UTRN: variants seen among roughly 807,000 people sequenced by gnomAD.
The protein encoded by UTRN is utrophin.
UTRN carries 283 observed loss-of-function variants against 463.9 expected under a neutral mutation model. That is an observed-to-expected ratio of 0.61 (90% CI 0.55 to 0.67). The LOEUF is 0.67. Among genes scored for constraint, UTRN ranks in the 30% least tolerant of loss-of-function variants. UTRN has a pLI of 0.00. For missense variants in UTRN, 3,922 were observed against 4,084.3 expected (o/e 0.96, Z 1.08); for synonymous variants, 1,442 against 1,431.5 (o/e 1.01, Z -0.17).
At chr6:144,605,836 T>A (rs1015891434) in intron 51 of UTRN, among the ~76,000 whole-genome samples, 3 of 152,154 alleles carry the variant, frequency 2.0e-5, no homozygotes, top group Non-Finnish European at 4.4e-5. Context: ...AGAAATTATT[T>A]TGAGGATTTT....
At chr6:144,315,619 T>G (rs1008989423) in intron 2 of UTRN, among the ~76,000 whole-genome samples, 1 of 152,230 alleles carries the variant, frequency 6.6e-6, no homozygotes, top group Non-Finnish European at 1.5e-5. Context: ...CGGCGCCCAC[T>G]CTGGAGAGAC....
At chr6:144,728,887 G>A (rs888585412) in intron 53 of UTRN, among the ~76,000 whole-genome samples, 5 of 151,920 alleles carry the variant, frequency 3.3e-5, no homozygotes, top group Non-Finnish European at 7.4e-5. Flanking sequence ...TTGTCACTCC[G>A]TCTCTCACTA....
intron 52 of UTRN, among the ~76,000 whole-genome samples, chr6:144,697,356 T>C (rs1784126088): frequency 6.6e-6 from 1 of 152,126 alleles, no homozygotes; most frequent in African/African-American, 2.4e-5. Context: ...CTTAGAGAAA[T>C]TTAAGTTTTA....
rs4895642 is a variant in UTRN at position 144,437,663 on chromosome 6, A to G, written c.1158A>G (p.Glu386=). Residue 386 remains glutamate, a synonymous_variant, in exon 11 of 75, where the codon GAA becomes GAG. Transcript: ENST00000367545. ...CACAAGGAACTCTGTCAGACGAAGA[A>G]GAATTTGAGATTCAGGAACAGATGA... ...LITQGTLSDE[E]EFEIQEQMTL... is the part of the protein sequence containing the mutation. 0.29 allele frequency: 463,257 copies of G among 1,613,562 alleles called. 79,385 individuals carry two copies. The highest frequency in any genetic ancestry group is 0.73 in the African/African-American group (54,484 of 74,922).
intron 3 of UTRN, among the ~76,000 whole-genome samples, chr6:144,406,120 A>T (rs1783370626): frequency 6.6e-6 from 1 of 152,188 alleles, no homozygotes; most frequent in South Asian, 2.1e-4. Context: ...CTTGTGTAAA[A>T]CATGTGTTTT....
chr6:144,404,287 G>A (rs186474584), intron 3 of UTRN, among the ~76,000 whole-genome samples: 304 of 152,290 alleles, frequency 2.0e-3, no homozygotes, highest in Middle Eastern at 3.4e-3. Flanking sequence ...TGCATAATTG[G>A]CAGTTATATG....
At chr6:144,634,339 G>C (rs1022724946) in intron 51 of UTRN, among the ~76,000 whole-genome samples, 1 of 152,170 alleles carries the variant, frequency 6.6e-6, no homozygotes, top group Non-Finnish European at 1.5e-5. Flanking sequence ...CCTTGTGACT[G>C]TCCGTCAGGG....
intron 59 of UTRN, among the ~76,000 whole-genome samples, chr6:144,773,742 T>C (rs984395418): frequency 1.3e-5 from 2 of 152,224 alleles, no homozygotes; most frequent in South Asian, 2.1e-4. Flanking sequence ...TTCAGATTCT[T>C]CTTGGCTTCT....
At chr6:144,683,397 G>T (rs1782410677) in intron 52 of UTRN, among the ~76,000 whole-genome samples, 2 of 151,904 alleles carry the variant, frequency 1.3e-5, no homozygotes, top group African/African-American at 4.8e-5. Flanking sequence ...ACCAGAGTGT[G>T]CTTAGTGAGA....
At chr6:144,524,087 C>T (rs578163169) in intron 41 of UTRN, among the ~76,000 whole-genome samples, 17 of 152,244 alleles carry the variant, frequency 1.1e-4, no homozygotes, top group South Asian at 4.1e-4. Flanking sequence ...GAGAGACATA[C>T]GCACAAAAAC....
intron 51 of UTRN, among the ~76,000 whole-genome samples, chr6:144,662,107 T>G (rs1779930346): frequency 6.6e-6 from 1 of 152,188 alleles, no homozygotes; most frequent in Non-Finnish European, 1.5e-5. Flanking sequence ...TGTATTTTTG[T>G]GTTAGGCAGT....
At chr6:144,337,122 GACAC>G (rs368751007) in intron 2 of UTRN, among the ~76,000 whole-genome samples, 5 of 148,498 alleles carry the variant, frequency 3.4e-5, no homozygotes, top group Non-Finnish European at 6.0e-5. Context: ...AACACACACA[GACAC>G]ACACACACAG....
chr6:144,417,406 A>G (rs775882379), intron 3 of UTRN, among the ~76,000 whole-genome samples: 7 of 152,184 alleles, frequency 4.6e-5, no homozygotes, highest in African/African-American at 1.4e-4. Context: ...CCTCCACATC[A>G]GTTTCTTCGC....
intron 60 of UTRN, among the ~76,000 whole-genome samples, chr6:144,775,408 G>A (rs1022509104): frequency 6.6e-6 from 1 of 152,194 alleles, no homozygotes; most frequent in Non-Finnish European, 1.5e-5. Context: ...ATGCAAGGAA[G>A]AATGAGATGA....
At chr6:144,802,244 C>T (rs1263718426) in intron 64 of UTRN, among the ~76,000 whole-genome samples, 1 of 152,156 alleles carries the variant, frequency 6.6e-6, no homozygotes, top group Non-Finnish European at 1.5e-5. Flanking sequence ...AGTAAGCTGG[C>T]TGTAGTATAT....
intron 4 of UTRN, 103 bp downstream of exon 4, chr6:144,422,073 C>A: frequency 1.2e-6 from 1 of 869,080 alleles, no homozygotes. Flanking sequence ...TTTTACTTTA[C>A]GTTCAAATGT....
At chr6:144,449,337 T>G (rs2128556269) in intron 17 of UTRN, among the ~76,000 whole-genome samples, 1 of 152,286 alleles carries the variant, frequency 6.6e-6, no homozygotes, top group South Asian at 2.1e-4. Context: ...GCTTAAAAAA[T>G]GGCAGCTCAT....
intron 73 of UTRN, among the ~76,000 whole-genome samples, chr6:144,846,212 G>A (rs1781999840): frequency 6.6e-6 from 1 of 152,208 alleles, no homozygotes; most frequent in Non-Finnish European, 1.5e-5. Flanking sequence ...GTGTGGAAAG[G>A]AGAATTAGAT....
chr6:144,788,313 T>C (rs1776459445), intron 61 of UTRN, among the ~76,000 whole-genome samples: 1 of 152,212 alleles, frequency 6.6e-6, no homozygotes, highest in African/African-American at 2.4e-5. Flanking sequence ...ATTAACTATA[T>C]ACTGAGGGCT....
Sources: gnomAD v4.1 joint callset for allele counts (sites outside exome capture counted in the v4.1 genomes callset) on GRCh38, gnomAD v4.1.1 for gene constraint, MANE v1.5 for transcripts, NCBI Gene and HGNC (gene_info 2026-07-23, HGNC 2026-07-21) for gene names.